The following SLC23A2 variants were observed in gnomAD, a reference collection of about 807,000 sequenced individuals.
SLC23A2 encodes solute carrier family 23 member 2.
A neutral mutation model predicts 73.3 loss-of-function variants in SLC23A2; 36 were observed. The ratio of observed to expected loss-of-function variants is 0.49; its 90% CI spans 0.38 to 0.65. The LOEUF is 0.65. Ranked by LOEUF, SLC23A2 falls within the 30% of genes least tolerant of loss-of-function variation. The probability of loss-of-function intolerance (pLI) is 0.00; values close to 1 mark genes in which losing one functional copy is unlikely to be tolerated. For missense variants in SLC23A2, 507 were observed against 841.6 expected (o/e 0.60, Z 4.92); for synonymous variants, 343 against 327.3 (o/e 1.05, Z -0.52).
At chr20:4,878,295 A>G (rs941484554) in intron 9 of SLC23A2, among the ~76,000 whole-genome samples, 44 of 151,326 alleles carry the variant, frequency 2.9e-4, no homozygotes, top group Non-Finnish European at 5.6e-4. Flanking sequence ...CAAGTGATTC[A>G]TGTGCCTCAG....
intron 2 of SLC23A2, among the ~76,000 whole-genome samples, chr20:4,969,289 A>C (rs1228238789): frequency 6.6e-6 from 1 of 151,792 alleles, no homozygotes; most frequent in African/African-American, 2.4e-5. Context: ...GGGTTTCTCC[A>C]TGTTGTACAG....
chr20:4,978,753 A>G (rs1038769547), intron 1 of SLC23A2, among the ~76,000 whole-genome samples: 2 of 152,194 alleles, frequency 1.3e-5, no homozygotes, highest in Non-Finnish European at 2.9e-5. Context: ...GCTGAGCCAG[A>G]TGCTGTGAAG....
In SLC23A2 at chr20:4,985,373, G is replaced by A. The variant is rs78532967; in HGVS notation, c.-281-14454C>T. 8.4e-3 allele frequency among the ~76,000 whole-genome samples: 1,284 copies of A among 152,142 alleles called. 48 individuals carry two copies. In the South Asian group the frequency reaches 0.14, roughly 16 times the overall value. On this transcript the variant is annotated intron_variant, in intron 1 of 16. Transcript: ENST00000338244. ...ATGGATTATTCAGCAATAAAGTGGAGGTACTGACACATGCTGTAACATGCA... is the reference window on the plus strand; with the variant it reads ...ATGGATTATTCAGCAATAAAGTGGAAGTACTGACACATGCTGTAACATGCA...
At chr20:4,933,416 C>A (rs897411600) in intron 2 of SLC23A2, among the ~76,000 whole-genome samples, 4 of 151,552 alleles carry the variant, frequency 2.6e-5, no homozygotes, top group Non-Finnish European at 5.9e-5. Context: ...GAGTTTGAGA[C>A]CAGCCTGGCC....
intron 2 of SLC23A2, among the ~76,000 whole-genome samples, chr20:4,936,303 C>T (rs115384515): frequency 0.019 from 2,928 of 152,210 alleles, 92 homozygotes; most frequent in African/African-American, 0.067. Flanking sequence ...ATAAAACGGG[C>T]AAATAGGATA....
chr20:4,926,630 TAAG>T (rs528128147), intron 3 of SLC23A2, among the ~76,000 whole-genome samples: 191 of 151,440 alleles, frequency 1.3e-3, no homozygotes, highest in African/African-American at 4.4e-3. Flanking sequence ...TCCTGTGGGA[TAAG>T]AAGAAGATCT....
intron 2 of SLC23A2, among the ~76,000 whole-genome samples, chr20:4,954,342 G>A (rs531625944): frequency 3.3e-5 from 5 of 152,174 alleles, no homozygotes; most frequent in Non-Finnish European, 7.4e-5. Context: ...AATGGCTAAA[G>A]AGCATTTATG....
Position 4,867,814 on chromosome 20 carries a change from A to C in SLC23A2, c.1312T>G (p.Ser438Ala). The change falls in exon 13 of 17, where the codon TCT (serine) becomes GCT (alanine). Residue 438 changes from serine (S) to alanine (A), a missense_variant. By Grantham distance (99) the Ser-to-Ala change is moderately conservative. This residue lies in a region of SLC23A2 where 168 missense variants were observed against 302.3 expected (regional missense o/e 0.56). Transcript: ENST00000338244. ...CCAATGTTGGGACTGGATGAAGTAGAGCCATTCCCAGTACCAAATATGCCA... is the reference window on the plus strand; with the variant it reads ...CCAATGTTGGGACTGGATGAAGTAGCGCCATTCCCAGTACCAAATATGCCA... Reference protein sequence around the residue: ...LDGIFGTGNGSTSSSPNIGVL... With the variant: ...LDGIFGTGNGATSSSPNIGVL... 6.2e-7 allele frequency: 1 copy of C among 1,611,450 alleles called. No individual in the cohort carries two copies. The highest frequency in any genetic ancestry group is 8.5e-7 in the Non-Finnish European group (1 of 1,177,698).
intron 2 of SLC23A2, among the ~76,000 whole-genome samples, chr20:4,944,298 G>GTGCAC (rs971802936): frequency 6.6e-6 from 1 of 152,184 alleles, no homozygotes; most frequent in East Asian, 1.9e-4. Flanking sequence ...GGAGTGCAGT[G>GTGCAC]GTGCAGTCTC....
intron 9 of SLC23A2, among the ~76,000 whole-genome samples, chr20:4,878,720 T>G (rs1930754832): frequency 6.6e-6 from 1 of 152,218 alleles, no homozygotes; most frequent in African/African-American, 2.4e-5. Flanking sequence ...AATAATTAGT[T>G]TTTCCTACAT....
At chr20:4,912,748 T>C in intron 4 of SLC23A2, 132 bp downstream of exon 4, 1 of 664,572 alleles carries the variant, frequency 1.5e-6, no homozygotes. Flanking sequence ...ACACAGCCCC[T>C]TGGGAGTCAG....
At chr20:4,941,887 C>T (rs1600155446) in intron 2 of SLC23A2, among the ~76,000 whole-genome samples, 1 of 152,068 alleles carries the variant, frequency 6.6e-6, no homozygotes, top group South Asian at 2.1e-4. Context: ...AGCATTAACC[C>T]ACTGTGTATG....
chr20:4,996,040 T>C (rs2088014453), intron 1 of SLC23A2, among the ~76,000 whole-genome samples: 1 of 152,192 alleles, frequency 6.6e-6, no homozygotes, highest in Admixed American at 6.6e-5. Context: ...CAAGACTTCA[T>C]CAATAAATGA....
chr20:4,964,689 T>C (rs1172833782), intron 2 of SLC23A2, among the ~76,000 whole-genome samples: 1 of 151,848 alleles, frequency 6.6e-6, no homozygotes, highest in Non-Finnish European at 1.5e-5. Flanking sequence ...CACCAAAAAA[T>C]TAGCCAGGTG....
At chr20:4,869,786 C>A in intron 12 of SLC23A2, 120 bp downstream of exon 12, 1 of 823,790 alleles carries the variant, frequency 1.2e-6, no homozygotes. Context: ...TCGCTAGAGT[C>A]CTGCTGCTTG....
At position 4,925,855 on chromosome 20, in the gene SLC23A2, C is replaced by T. The variant is rs151297465; in HGVS notation, c.108+6600G>A. 4.2e-3 allele frequency among the ~76,000 whole-genome samples: 633 copies of T among 152,318 alleles called. 6 individuals carry two copies. The highest frequency in any genetic ancestry group is 0.014 in the African/African-American group (583 of 41,578). ...AGTTCCATGTTATCTCCCCTGGGAA[C>T]CTTCATCTGACCGGCAAGGCCCACC... On this transcript the variant is annotated intron_variant, in intron 3 of 16. Transcript: ENST00000338244.
intron 8 of SLC23A2, among the ~76,000 whole-genome samples, chr20:4,884,075 T>C (rs1222097624): frequency 1.3e-5 from 2 of 152,224 alleles, no homozygotes; most frequent in Non-Finnish European, 2.9e-5. Flanking sequence ...CCTTTTTCAC[T>C]GTTAAACGAT....
chr20:4,915,011 G>A (rs1182169334), intron 3 of SLC23A2, among the ~76,000 whole-genome samples: 2 of 151,948 alleles, frequency 1.3e-5, no homozygotes, highest in Non-Finnish European at 2.9e-5. Context: ...GCAAGACATC[G>A]ACTCTAAATA....
chr20:4,944,952 A>G (rs563052606), intron 2 of SLC23A2, among the ~76,000 whole-genome samples: 12 of 152,090 alleles, frequency 7.9e-5, no homozygotes, highest in African/African-American at 2.9e-4. Flanking sequence ...TATGCCCTCA[A>G]CTTGTAGGTG....
Sources: gnomAD v4.1 joint callset for allele counts (sites outside exome capture counted in the v4.1 genomes callset) on GRCh38, gnomAD v4.1.1 for gene constraint, gnomAD v4.1.1 regional missense constraint, MANE v1.5 for transcripts, NCBI Gene and HGNC (gene_info 2026-07-23, HGNC 2026-07-21) for gene names.